Variants in PCNX2 observed in about 807,000 individuals in gnomAD.
PCNX2 encodes pecanex 2, also known as pecanex-like protein 2.
Under a neutral mutation model 223.8 loss-of-function variants are expected in PCNX2, and 168 were observed. That is an observed-to-expected ratio of 0.75 (90% CI 0.66 to 0.85). The LOEUF is 0.85. PCNX2 is among the 40% of genes least tolerant of loss of function. PCNX2 has a pLI of 0.00. For synonymous variants in PCNX2, 1,006 were observed against 1,052.6 expected (o/e 0.96, Z 0.86); for missense variants, 2,507 against 2,675.5 (o/e 0.94, Z 1.39).
rs1662006285 is a variant in PCNX2 at position 233,295,196 on chromosome 1, C to T, written c.153+130G>A. ...GTTCTCTGTCCCAAATTTCTGAAGC[C>T]CCTCCCTTTCCGTCTCTTAAGAATC... On this transcript the variant is annotated intron_variant, in intron 1 of 33. Transcript: ENST00000258229. The surrounding 1 kb of genome is among the most constrained non-coding windows in gnomAD (Gnocchi z 4.1). The T allele has an allele frequency of 7.6e-7, 1 of 1,309,658 alleles. No individual in the cohort carries two copies. The highest frequency in any genetic ancestry group is 1.0e-6 in the Non-Finnish European group (1 of 954,732). 81.1% of individuals were successfully genotyped at this position (1,309,658 alleles called of 1,614,324 possible). A position where few individuals can be genotyped will look rare whatever the true frequency, so the allele number is the denominator to read the frequency against.
intron 1 of PCNX2, among the ~76,000 whole-genome samples, chr1:233,266,647 A>C (rs1432450836): frequency 6.6e-6 from 1 of 152,186 alleles, no homozygotes; most frequent in East Asian, 1.9e-4. Context: ...AATTGTTCCT[A>C]AATTTTCCCC....
At chr1:233,117,746 C>T (rs1310888697) in intron 21 of PCNX2, among the ~76,000 whole-genome samples, 1 of 151,742 alleles carries the variant, frequency 6.6e-6, no homozygotes, top group African/African-American at 2.4e-5. Flanking sequence ...CGCGGTGGCT[C>T]ACGCCTGTAA....
intron 10 of PCNX2, among the ~76,000 whole-genome samples, chr1:233,225,560 T>C (rs1657660281): frequency 6.6e-6 from 1 of 152,188 alleles, no homozygotes; most frequent in Non-Finnish European, 1.5e-5. Flanking sequence ...AAAAACCCAT[T>C]GTAACTTGCC....
rs189938881 is a variant in PCNX2, at chr1:233,130,783, C to A, written c.3837+4230G>T. On this transcript the variant is annotated intron_variant, in intron 21 of 33. Transcript: ENST00000258229. ...CAGGTGTGTGCCACTGTGCCCGGCACCCCCCCCTTTTTTTTTTATTCCAGA... is the reference window on the plus strand; with the variant it reads ...CAGGTGTGTGCCACTGTGCCCGGCAACCCCCCCTTTTTTTTTTATTCCAGA... 4.7e-3 allele frequency among the ~76,000 whole-genome samples: 702 copies of A among 148,322 alleles called. 1 individual carries two copies. Among genetic ancestry groups the A allele is most frequent in the African/African-American group, 0.016 (632 of 39,480 alleles).
In PCNX2 at chr1:233,023,375, T is replaced by C. The variant is rs574303216; in HGVS notation, c.4605+1771A>G. ...TGTGACAATGTTCCGGCTGATGGGA[T>C]ACAACAGGAGGATATTGTGGCAGCT... On this transcript the variant is annotated intron_variant, in intron 26 of 33. Transcript: ENST00000258229. 7.9e-5 allele frequency among the ~76,000 whole-genome samples: 12 copies of C among 152,324 alleles called. No individual in the cohort carries two copies. In the South Asian group the frequency reaches 2.5e-3, roughly 32 times the overall value.
intron 25 of PCNX2, among the ~76,000 whole-genome samples, chr1:233,049,777 C>A (rs571296672): frequency 6.6e-6 from 1 of 152,132 alleles, no homozygotes; most frequent in Non-Finnish European, 1.5e-5. Context: ...GATACAAAAT[C>A]AATGTACAAA....
chr1:233,156,004 A>T (rs1678098726), intron 19 of PCNX2, among the ~76,000 whole-genome samples: 1 of 152,208 alleles, frequency 6.6e-6, no homozygotes, highest in Admixed American at 6.5e-5. Flanking sequence ...AACTTCACAT[A>T]TACACATTAA....
rs199839640 is a variant in PCNX2 at position 233,236,929 on chromosome 1, C to T, written c.2274G>A (p.Pro758=). ...CACTGACGGCAGGGTCCCCAGAAGA[C>T]GGATCTTGACTCTCAGAAGTTGTGG... ...SSTTTSESQD[P]SSGDPAVSAL... is the part of the protein sequence containing the mutation. Residue 758 remains proline, a synonymous_variant, in exon 9 of 34, where the codon CCG becomes CCA. Transcript: ENST00000258229. The T allele has an allele frequency of 3.3e-5, 54 of 1,613,982 alleles. No homozygotes were observed. In the Middle Eastern group the frequency reaches 8.2e-4, roughly 25 times the overall value.
At chr1:233,100,221 T>C (rs1189892169) in intron 21 of PCNX2, among the ~76,000 whole-genome samples, 2 of 152,092 alleles carry the variant, frequency 1.3e-5, no homozygotes, top group Admixed American at 1.3e-4. Flanking sequence ...CAGAACAGCC[T>C]GGCCAATGTG....
chr1:233,167,559 CT>C lies in PCNX2; in HGVS notation c.3274-6197del, dbSNP rs575473167. The C allele has an allele frequency of 2.9e-5, 7 of 244,138 alleles. No homozygotes were observed. In the East Asian group the frequency reaches 1.3e-3, roughly 44 times the overall value. 15.1% of individuals were successfully genotyped at this position (244,138 alleles called of 1,614,324 possible). On this transcript the variant is annotated intron_variant, in intron 17 of 33. Transcript: ENST00000258229. ...CTGCAAAATAAGTAGATTTTAGCTGCTTTTGCCACAAAAACAAATAAAAATG... is the reference window on the plus strand; with the variant it reads ...CTGCAAAATAAGTAGATTTTAGCTGCTTTGCCACAAAAACAAATAAAAATG...
Position 233,054,347 on chromosome 1 carries a change from A to T in PCNX2, c.4272T>A (p.Asp1424Glu), listed in dbSNP as rs377541137. The T allele has an allele frequency of 9.3e-6, 15 of 1,613,844 alleles. No homozygotes were observed. The highest frequency in any genetic ancestry group is 1.3e-5 in the Non-Finnish European group (15 of 1,179,872). ...TCAGGTGAACAAAGGCATTGAGGTC[A>T]TCTGAAGCCAAAATAAAGCAATCGC... ...SSGDCFILAS[D>E]DLNAFVHLIE... Residue 1424 changes from aspartate to glutamate, a missense_variant, in exon 25 of 34, where the codon GAT becomes GAA. Around this residue, in one of 3 missense-constraint regions of PCNX2, gnomAD observed 1,372 missense variants for 1,509.4 expected, o/e 0.91. Coordinates refer to ENST00000258229, the MANE Select transcript of PCNX2 (RefSeq NM_014801.4).
chr1:233,191,893 A>G (rs1311764386), intron 15 of PCNX2, among the ~76,000 whole-genome samples: 2 of 152,204 alleles, frequency 1.3e-5, no homozygotes, highest in South Asian at 2.1e-4. Flanking sequence ...TAGAAGTTAG[A>G]GCCAAGAGGG....
At chr1:233,007,841 AT>A (rs199807740) in intron 28 of PCNX2, among the ~76,000 whole-genome samples, 90 of 143,300 alleles carry the variant, frequency 6.3e-4, no homozygotes, top group African/African-American at 2.1e-3. Context: ...ATGCCCGGCT[AT>A]TTTTTTTTGT....
rs1345201064 is a variant in PCNX2 at position 232,990,830 on chromosome 1, G to GCCT, written c.5792-4293_5792-4291dup. Among the ~76,000 whole-genome samples the GCCT allele has an allele frequency of 2.0e-5, 3 of 152,178 alleles. No individual in the cohort carries two copies. Among genetic ancestry groups the GCCT allele is most frequent in the African/African-American group, 7.2e-5 (3 of 41,442 alleles). ...CTGCCCCAAACTGGGGCCTGCACAG[G>GCCT]CCTCTTCCCCAGGGTCGTCTCCCAG... is the stretch of plus-strand genomic sequence containing the variant. On this transcript the variant is annotated intron_variant, in intron 32 of 33. Coordinates refer to ENST00000258229, the MANE Select transcript of PCNX2 (RefSeq NM_014801.4). The surrounding 1 kb of genome is among the most constrained non-coding windows in gnomAD (Gnocchi z 4.3).
intron 9 of PCNX2, among the ~76,000 whole-genome samples, chr1:233,235,976 A>G (rs867869706): frequency 3.5e-5 from 5 of 144,194 alleles, no homozygotes; most frequent in African/African-American, 1.3e-4. Flanking sequence ...ATATATATAT[A>G]TATATATATA....
At chr1:233,279,389 T>TTGTGTGTGTGTGTGTG (rs57288356) in intron 1 of PCNX2, among the ~76,000 whole-genome samples, 7 of 142,676 alleles carry the variant, frequency 4.9e-5, no homozygotes, top group African/African-American at 1.8e-4. Context: ...TAATTTGTGT[T>TTGTGTGTGTGTGTGTG]TGTGTGTGTG....
chr1:233,271,416 G>T (rs1660630166), intron 1 of PCNX2, among the ~76,000 whole-genome samples: 1 of 152,070 alleles, frequency 6.6e-6, no homozygotes, highest in African/African-American at 2.4e-5. Context: ...CTACTAAAAT[G>T]TCTGAGTTCA....
intron 13 of PCNX2, among the ~76,000 whole-genome samples, chr1:233,208,104 C>A (rs911572142): frequency 6.6e-6 from 1 of 152,108 alleles, no homozygotes; most frequent in South Asian, 2.1e-4. Context: ...TACAGGCATG[C>A]GCCAACATGC....
chr1:233,009,370 A>G lies in PCNX2; in HGVS notation c.4952+5295T>C, dbSNP rs116447983. Among the ~76,000 whole-genome samples the G allele has an allele frequency of 3.8e-3, 576 of 152,352 alleles. 1 individual carries two copies. Among genetic ancestry groups the G allele is most frequent in the Middle Eastern group, 0.014 (4 of 294 alleles). ...ACATTTGAATTGCAGAATCTCATAT[A>G]ATCACTGGAAATAAATTATGTTGGC... On this transcript the variant is annotated intron_variant, in intron 28 of 33. Transcript: ENST00000258229.
Sources: gnomAD v4.1 joint callset for allele counts (sites outside exome capture counted in the v4.1 genomes callset) on GRCh38, gnomAD v4.1.1 for gene constraint, gnomAD v4.1.1 regional missense constraint, Gnocchi (gnomAD v3.1) non-coding constraint, MANE v1.5 for transcripts, NCBI Gene and HGNC (gene_info 2026-07-23, HGNC 2026-07-21) for gene names.